Variants in RPS26 observed in about 807,000 individuals in gnomAD.
The protein encoded by RPS26 is ribosomal protein S26.
In RPS26, 1 loss-of-function variant was observed where a neutral mutation model predicts 14.7. The observed-to-expected ratio is 0.07, with a 90% CI of 0.02 to 0.32. RPS26 has a LOEUF of 0.32. Among genes scored for constraint, RPS26 ranks in the 10% least tolerant of loss-of-function variants. RPS26 has a pLI of 1.00. For synonymous variants in RPS26, 59 were observed against 53.1 expected (o/e 1.11, Z -0.48); for missense variants, 63 against 157.7 (o/e 0.40, Z 3.22).
chr12:56,042,288 G>A, intron 1 of RPS26, 119 bp downstream of exon 1: 1 of 1,525,194 alleles, frequency 6.6e-7, no homozygotes, highest in Non-Finnish European at 9.1e-7. Context: ...TTGCTCTGGG[G>A]GTCGGCGGGA....
rs1322455067 is a variant in RPS26, at chr12:56,044,636, G to A, written c.*482G>A. Reference sequence around the variant, plus strand: ...TGGGATTACAGGCTTGAGCCACCTCGCCTAGCTATTTATGTAAATTAAACT... The same window carrying A: ...TGGGATTACAGGCTTGAGCCACCTCACCTAGCTATTTATGTAAATTAAACT... On this transcript the variant is annotated 3_prime_UTR_variant, in exon 4 of 4. Transcript: ENST00000646449. The A allele has an allele frequency of 2.5e-5, 4 of 157,846 alleles. No individual in the cohort carries two copies. The highest frequency in any genetic ancestry group is 5.6e-5 in the Non-Finnish European group (4 of 71,612). 9.8% of individuals were successfully genotyped at this position (157,846 alleles called of 1,614,324 possible).
At chr12:56,043,973 GTGT>G (rs1895929424) in intron 3 of RPS26, 143 bp from the exon 4 acceptor site, 1 of 800,484 alleles carries the variant, frequency 1.2e-6, no homozygotes, top group Non-Finnish European at 2.3e-6. Flanking sequence ...ATGCAGAGTA[GTGT>G]TCTCCCTCCA....
In RPS26 at chr12:56,042,606, A is replaced by G; in HGVS notation, c.181+4A>G. The G allele has an allele frequency of 6.3e-7, 1 of 1,598,248 alleles. No homozygotes were observed. Among genetic ancestry groups the G allele is most frequent in the Non-Finnish European group, 8.5e-7 (1 of 1,179,498 alleles). The stretch of plus-strand genomic sequence containing the variant: ...TCTGAAGCGAGCGTCTTCGATGGTA[A>G]GTGGGTCACCGGCGCGAACTGTGTG... On this transcript the variant is annotated splice_donor_region_variant and intron_variant, in intron 2 of 3. Coordinates refer to ENST00000646449, the MANE Select transcript of RPS26 (RefSeq NM_001029.5).
chr12:56,042,593 G>A lies in RPS26; in HGVS notation c.172G>A (p.Val58Ile), dbSNP rs769953745. 1 of 1,598,528 alleles carries A rather than the reference G, an allele frequency of 6.3e-7. No individual in the cohort carries two copies. Among genetic ancestry groups the A allele is most frequent in the Non-Finnish European group, 8.5e-7 (1 of 1,179,688 alleles). Residue 58 changes from valine (V) to isoleucine (I), a missense_variant, in exon 2 of 4, where the codon GTC (valine) becomes ATC (isoleucine). By Grantham distance (29) the Val-to-Ile change is conservative. Transcript: ENST00000646449. ...AAVRDISEASVFDAYVLPKLY... is the reference protein window; with the variant it reads ...AAVRDISEASIFDAYVLPKLY... ...AGTCAGGGACATTTCTGAAGCGAGC[G>A]TCTTCGATGGTAAGTGGGTCACCGG...
chr12:56,043,573 C>G (rs934883195), intron 3 of RPS26, 80 bp downstream of exon 3: 2 of 1,430,212 alleles, frequency 1.4e-6, no homozygotes, highest in Non-Finnish European at 2.0e-6. Flanking sequence ...TGTCCTATAC[C>G]TGTAACCTCA....
At position 56,044,660 on chromosome 12, in the gene RPS26, C is replaced by CT. The variant is rs1047550347; in HGVS notation, c.*509dup. The CT allele has an allele frequency of 1.9e-5, 3 of 156,450 alleles. No individual in the cohort carries two copies. Among genetic ancestry groups the CT allele is most frequent in the African/African-American group, 7.2e-5 (3 of 41,412 alleles). The allele number at this position is 156,450 out of a possible 1,614,324, so 9.7% of individuals were successfully genotyped here. On this transcript the variant is annotated 3_prime_UTR_variant, in exon 4 of 4. Transcript: ENST00000646449. Reference sequence around the variant, plus strand: ...CGCCTAGCTATTTATGTAAATTAAACTTTAATTGTGGTCGTATGGTTGGCC... The same window carrying CT: ...CGCCTAGCTATTTATGTAAATTAAACTTTTAATTGTGGTCGTATGGTTGGCC...
At position 56,044,370 on chromosome 12, in the gene RPS26, C is replaced by T. The variant is rs1612055; in HGVS notation, c.*216C>T. On this transcript the variant is annotated 3_prime_UTR_variant, in exon 4 of 4. Coordinates refer to ENST00000646449, the MANE Select transcript of RPS26 (RefSeq NM_001029.5). Reference sequence around the variant, plus strand: ...CTTTTTTTTTTTTTTTTTTTTGAGACGGAGTCTTTGTCGCCCAAGCTGAAT... The same window carrying T: ...CTTTTTTTTTTTTTTTTTTTTGAGATGGAGTCTTTGTCGCCCAAGCTGAAT... 360,017 of 405,316 alleles carry T rather than the reference C, an allele frequency of 0.89. 163,951 individuals carry two copies. The highest frequency in any genetic ancestry group is 1 in the East Asian group (22,564 of 22,576). 25.1% of individuals were successfully genotyped at this position (405,316 alleles called of 1,614,324 possible). A position where few individuals can be genotyped will look rare whatever the true frequency, so the allele number is the denominator to read the frequency against.
Position 56,044,319 on chromosome 12 carries a change from G to C in RPS26, c.*165G>C. ...ACACATTATTTTCATGGGGAAGAAAGCTTATTCATGTAATTTAATTTTTTT... is the reference window on the plus strand; with the variant it reads ...ACACATTATTTTCATGGGGAAGAAACCTTATTCATGTAATTTAATTTTTTT... On this transcript the variant is annotated 3_prime_UTR_variant, in exon 4 of 4. Coordinates refer to ENST00000646449, the MANE Select transcript of RPS26 (RefSeq NM_001029.5). 1 of 556,208 alleles carries C rather than the reference G, an allele frequency of 1.8e-6. No individual in the cohort carries two copies. Among genetic ancestry groups the C allele is most frequent in the Middle Eastern group, 4.8e-4 (1 of 2,102 alleles). The allele number at this position is 556,208 out of a possible 1,614,324, so 34.5% of individuals were successfully genotyped here.
intron 3 of RPS26, among the ~76,000 whole-genome samples, chr12:56,043,868 G>A (rs914639262): frequency 2.0e-5 from 3 of 151,876 alleles, no homozygotes; most frequent in Non-Finnish European, 4.4e-5. Flanking sequence ...ATTAAGGTCT[G>A]TGCCTCAGGT....
chr12:56,041,987 A>G lies in RPS26; in HGVS notation c.-180A>G. Reference sequence around the variant, plus strand: ...TTCCATGGATAAATAAACACTAGGAACGCATTTCCACCCTAGATTTCAGCA... The same window carrying G: ...TTCCATGGATAAATAAACACTAGGAGCGCATTTCCACCCTAGATTTCAGCA... On this transcript the variant is annotated 5_prime_UTR_variant, in exon 1 of 4. Transcript: ENST00000646449. The G allele has an allele frequency of 1.4e-6, 1 of 706,078 alleles. No individual in the cohort carries two copies. The highest frequency in any genetic ancestry group is 1.5e-5 in the South Asian group (1 of 65,482). The allele number at this position is 706,078 out of a possible 1,614,324, so 43.7% of individuals were successfully genotyped here. A position where few individuals can be genotyped will look rare whatever the true frequency, so the allele number is the denominator to read the frequency against.
At chr12:56,042,946 G>A (rs1167768278) in intron 2 of RPS26, 1 of 423,436 alleles carries the variant, frequency 2.4e-6, no homozygotes, top group Non-Finnish European at 4.4e-6. Flanking sequence ...TGTCTTCAAC[G>A]TTTCGAGAAT....
At chr12:56,043,675 G>C (rs1200202954) in intron 3 of RPS26, among the ~76,000 whole-genome samples, 182 bp downstream of exon 3, 1 of 152,162 alleles carries the variant, frequency 6.6e-6, no homozygotes, top group Non-Finnish European at 1.5e-5. Context: ...AGCCAAGCAT[G>C]ATAGTGTGAA....
rs911560869 is a variant in RPS26 at position 56,042,448 on chromosome 12, T to C, written c.27T>C (p.Gly9=). ...AGACAAAGAAAAGAAGGAACAATGGTCGTGCCAAAAAGGGCCGCGGCCACG... is the reference window on the plus strand; with the variant it reads ...AGACAAAGAAAAGAAGGAACAATGGCCGTGCCAAAAAGGGCCGCGGCCACG... The part of the protein sequence containing the change: MTKKRRNN[G]RAKKGRGHVQ... Residue 9 remains glycine, a synonymous_variant, in exon 2 of 4, where the codon GGT becomes GGC. Coordinates refer to ENST00000646449, the MANE Select transcript of RPS26 (RefSeq NM_001029.5). 3 of 1,613,752 alleles carry C rather than the reference T, an allele frequency of 1.9e-6. No individual in the cohort carries two copies. In the African/African-American group the frequency reaches 4.0e-5, roughly 22 times the overall value.
rs771576428 is a variant in RPS26 at position 56,042,620 on chromosome 12, G to A, written c.181+18G>A. 2.5e-6 allele frequency: 4 copies of A among 1,595,244 alleles called. No homozygotes were observed. Among genetic ancestry groups the A allele is most frequent in the African/African-American group, 1.3e-5 (1 of 74,852 alleles). On this transcript the variant is annotated intron_variant, in intron 2 of 3. Transcript: ENST00000646449. ...CTTCGATGGTAAGTGGGTCACCGGCGCGAACTGTGTGAGGATCCCAGTATC... is the reference window on the plus strand; with the variant it reads ...CTTCGATGGTAAGTGGGTCACCGGCACGAACTGTGTGAGGATCCCAGTATC...
In RPS26 at chr12:56,044,369, A is replaced by G. The variant is rs1383784066; in HGVS notation, c.*215A>G. On this transcript the variant is annotated 3_prime_UTR_variant, in exon 4 of 4. Transcript: ENST00000646449. ...TCTTTTTTTTTTTTTTTTTTTTGAG[A>G]CGGAGTCTTTGTCGCCCAAGCTGAA... 116 of 345,118 alleles carry G rather than the reference A, an allele frequency of 3.4e-4. 2 individuals carry two copies. Among genetic ancestry groups the G allele is most frequent in the Non-Finnish European group, 5.3e-4 (109 of 204,462 alleles). The allele number at this position is 345,118 out of a possible 1,614,324, so 21.4% of individuals were successfully genotyped here.
intron 2 of RPS26, chr12:56,042,806 G>C: frequency 1.6e-6 from 1 of 627,274 alleles, no homozygotes; most frequent in Non-Finnish European, 2.8e-6. Flanking sequence ...AGAGTGCACA[G>C]CCTTTACTCT....
chr12:56,044,345 CT>C lies in RPS26; in HGVS notation c.*211del, dbSNP rs1191650736. ...CTTATTCATGTAATTTAATTTTTTTCTTTTTTTTTTTTTTTTTTTTGAGACG... is the reference window on the plus strand; with the variant it reads ...CTTATTCATGTAATTTAATTTTTTTCTTTTTTTTTTTTTTTTTTTGAGACG... On this transcript the variant is annotated 3_prime_UTR_variant, in exon 4 of 4. Coordinates refer to ENST00000646449, the MANE Select transcript of RPS26 (RefSeq NM_001029.5). 0.075 allele frequency: 19,529 copies of C among 258,826 alleles called. 5 individuals carry two copies. The highest frequency in any genetic ancestry group is 0.13 in the South Asian group (2,605 of 20,706). 16.0% of individuals were successfully genotyped at this position (258,826 alleles called of 1,614,324 possible).
At chr12:56,044,082 G>A in intron 3 of RPS26, 37 bp from the exon 4 acceptor site, 1 of 1,598,314 alleles carries the variant, frequency 6.3e-7, no homozygotes, top group African/African-American at 1.3e-5. Context: ...TTGGATCCAT[G>A]GGTTTTAATT....
chr12:56,044,344 T>TA lies in RPS26; in HGVS notation c.*190_*191insA. 2.0e-6 allele frequency: 1 copy of TA among 510,660 alleles called. No individual in the cohort carries two copies. Among genetic ancestry groups the TA allele is most frequent in the African/African-American group, 2.3e-5 (1 of 43,770 alleles). 31.6% of individuals were successfully genotyped at this position (510,660 alleles called of 1,614,324 possible). Reference sequence around the variant, plus strand: ...GCTTATTCATGTAATTTAATTTTTTTCTTTTTTTTTTTTTTTTTTTTGAGA... The same window carrying TA: ...GCTTATTCATGTAATTTAATTTTTTTACTTTTTTTTTTTTTTTTTTTTGAGA... On this transcript the variant is annotated 3_prime_UTR_variant, in exon 4 of 4. Transcript: ENST00000646449.
Sources: allele counts gnomAD v4.1 joint callset (sites outside exome capture counted in the v4.1 genomes callset), GRCh38; gene constraint gnomAD v4.1.1; transcripts MANE v1.5; gene names NCBI Gene and HGNC (gene_info 2026-07-23, HGNC 2026-07-21).